Variants in COP1 observed in about 807,000 individuals in gnomAD.
COP1 encodes COP1 E3 ubiquitin ligase.
A neutral mutation model predicts 101.3 loss-of-function variants in COP1; 24 were observed. That is an observed-to-expected ratio of 0.24 (90% CI 0.17 to 0.33). The LOEUF is 0.33. Among genes scored for constraint, COP1 ranks in the 10% least tolerant of loss-of-function variants. COP1 has a pLI of 1.00. For synonymous variants in COP1, 347 were observed against 341.9 expected, an observed-to-expected ratio of 1.01 and a Z score of -0.17; for missense variants, 663 against 906.2, an observed-to-expected ratio of 0.73 and a Z score of 3.45.
At chr1:176,199,233 C>T (rs972364496) in intron 1 of COP1, among the ~76,000 whole-genome samples, 1 of 152,152 alleles carries the variant, frequency 6.6e-6, no homozygotes, top group South Asian at 2.1e-4. Context: ...AGGAGAATTG[C>T]TTGAACCCAG....
At chr1:176,199,642 C>T (rs1407342572) in intron 1 of COP1, among the ~76,000 whole-genome samples, 1 of 152,044 alleles carries the variant, frequency 6.6e-6, no homozygotes, top group Non-Finnish European at 1.5e-5. Context: ...TATTTCAAAA[C>T]ATTATACCAA....
chr1:176,082,111 C>T (rs1264070641), intron 10 of COP1, among the ~76,000 whole-genome samples: 2 of 152,194 alleles, frequency 1.3e-5, no homozygotes, highest in African/African-American at 4.8e-5. Flanking sequence ...CAGACCTACA[C>T]TAAAAGCATA....
At chr1:176,042,341 G>A (rs1670733619) in intron 14 of COP1, among the ~76,000 whole-genome samples, 1 of 148,952 alleles carries the variant, frequency 6.7e-6, no homozygotes, top group Admixed American at 6.8e-5. Context: ...CAGCAGGGCA[G>A]ATCACTTGAG....
At chr1:176,067,450 A>G (rs889739026) in intron 11 of COP1, among the ~76,000 whole-genome samples, 24 of 152,210 alleles carry the variant, frequency 1.6e-4, no homozygotes, top group Admixed American at 1.6e-3. Context: ...AGAGGAACAC[A>G]TCGGTACAAG....
At chr1:176,105,487 T>C (rs1265366473) in intron 9 of COP1, among the ~76,000 whole-genome samples, 1 of 152,214 alleles carries the variant, frequency 6.6e-6, no homozygotes, top group East Asian at 1.9e-4. Context: ...GCAATTTTCA[T>C]GCTAACTTTT....
At chr1:175,967,633 T>A (rs1461722344) in intron 18 of COP1, among the ~76,000 whole-genome samples, 1 of 152,224 alleles carries the variant, frequency 6.6e-6, no homozygotes, top group Non-Finnish European at 1.5e-5. Flanking sequence ...GATTTTGAAT[T>A]CAGTACTAAG....
intron 11 of COP1, among the ~76,000 whole-genome samples, chr1:176,071,444 G>A (rs1676992285): frequency 6.6e-6 from 1 of 152,014 alleles, no homozygotes; most frequent in African/African-American, 2.4e-5. Context: ...TAGTATACTC[G>A]CTTAACCGTC....
chr1:176,139,139 A>G (rs1463171795), intron 6 of COP1, among the ~76,000 whole-genome samples: 3 of 152,144 alleles, frequency 2.0e-5, no homozygotes, highest in Middle Eastern at 3.2e-3. Flanking sequence ...CAATTCCCAA[A>G]AGGCAACATA....
At chr1:175,963,087 C>CCTA (rs1651578883) in intron 18 of COP1, among the ~76,000 whole-genome samples, 1 of 151,348 alleles carries the variant, frequency 6.6e-6, no homozygotes, top group Non-Finnish European at 1.5e-5. Context: ...AAAAAAAAAA[C>CCTA]CCTGAATAAT....
chr1:176,001,637 C>CA (rs1471419448), intron 15 of COP1, among the ~76,000 whole-genome samples: 1 of 152,002 alleles, frequency 6.6e-6, no homozygotes, highest in Admixed American at 6.6e-5. Flanking sequence ...AAATTCTTTA[C>CA]AAAAAAATTC....
chr1:176,067,234 G>A (rs1676150492), intron 11 of COP1, among the ~76,000 whole-genome samples: 1 of 152,138 alleles, frequency 6.6e-6, no homozygotes, highest in South Asian at 2.1e-4. Context: ...GAGAGGGGCA[G>A]TGAAGTGCTG....
intron 6 of COP1, among the ~76,000 whole-genome samples, chr1:176,142,146 C>G (rs1690793860): frequency 6.6e-6 from 1 of 152,012 alleles, no homozygotes; most frequent in Non-Finnish European, 1.5e-5. Flanking sequence ...CAAATGTAAA[C>G]AGATGTCAAT....
intron 14 of COP1, among the ~76,000 whole-genome samples, chr1:176,033,354 G>A (rs1668955340): frequency 6.6e-6 from 1 of 152,140 alleles, no homozygotes. Flanking sequence ...TTGAACCCGG[G>A]TGGTGGAGGC....
At chr1:176,093,498 A>G (rs1192544558) in intron 9 of COP1, among the ~76,000 whole-genome samples, 1 of 151,590 alleles carries the variant, frequency 6.6e-6, no homozygotes, top group African/African-American at 2.4e-5. Context: ...TACAAGGTCA[A>G]GAGATTGAGA....
chr1:175,987,229 T>C, intron 17 of COP1, 126 bp from the exon 18 acceptor site: 1 of 511,846 alleles, frequency 2.0e-6, no homozygotes, highest in Non-Finnish European at 3.4e-6. Context: ...TTTGAAAGGC[T>C]AGATCACAGG....
At chr1:175,976,779 A>G (rs1187148763) in intron 18 of COP1, among the ~76,000 whole-genome samples, 1 of 152,226 alleles carries the variant, frequency 6.6e-6, no homozygotes, top group African/African-American at 2.4e-5. Flanking sequence ...TCAGTTACAT[A>G]TTCTGAATCT....
At chr1:175,967,701 A>C (rs1652338564) in intron 18 of COP1, among the ~76,000 whole-genome samples, 1 of 152,204 alleles carries the variant, frequency 6.6e-6, no homozygotes, top group Admixed American at 6.5e-5. Context: ...AACTTTGGTT[A>C]CAGCCTTAAA....
chr1:175,981,492 A>T (rs1033089767), intron 18 of COP1, among the ~76,000 whole-genome samples: 1 of 152,174 alleles, frequency 6.6e-6, no homozygotes, highest in Non-Finnish European at 1.5e-5. Flanking sequence ...AATGAAGTTG[A>T]GTATCTCACA....
chr1:176,017,710 A>C (rs1665918669), intron 15 of COP1: 1 of 152,172 alleles, frequency 6.6e-6, no homozygotes, highest in African/African-American at 2.4e-5. Context: ...TTTTTAGTAG[A>C]GATGAAGTTT....
Sources: gnomAD v4.1 joint callset for allele counts (sites outside exome capture counted in the v4.1 genomes callset) on GRCh38, gnomAD v4.1.1 for gene constraint, MANE v1.5 for transcripts, NCBI Gene and HGNC (gene_info 2026-07-23, HGNC 2026-07-21) for gene names.